RGS8: variants seen among roughly 807,000 people sequenced by gnomAD.
RGS8 encodes regulator of G-protein signaling 8.
In RGS8, 8 loss-of-function variants were observed where a neutral mutation model predicts 21.7. The observed-to-expected ratio is 0.37, with a 90% CI of 0.22 to 0.66. RGS8 has a LOEUF of 0.66. Ranked by LOEUF, RGS8 falls within the 30% of genes least tolerant of loss-of-function variation. The pLI is 0.59. For synonymous variants in RGS8, 80 were observed against 83.6 expected, an observed-to-expected ratio of 0.96 and a Z score of 0.24; for missense variants, 157 against 217.9, an observed-to-expected ratio of 0.72 and a Z score of 1.76.
chr1:182,722,972 G>A, the RGS8 span, among the ~76,000 whole-genome samples: 2 of 150,286 alleles, frequency 1.3e-5, no homozygotes, highest in Non-Finnish European at 1.5e-5. Context: ...AGTGAGACTC[G>A]GTCTCAAAAA....
At chr1:182,751,978 C>A in the RGS8 span, among the ~76,000 whole-genome samples, 86 of 152,244 alleles carry the variant, frequency 5.6e-4, no homozygotes, top group African/African-American at 1.9e-3. Context: ...TCACAGGCGC[C>A]GCGGTTCCTA....
the RGS8 span, among the ~76,000 whole-genome samples, chr1:182,742,486 C>G: frequency 6.6e-6 from 1 of 152,218 alleles, no homozygotes; most frequent in African/African-American, 2.4e-5. Context: ...TCTGCAATCT[C>G]GGCACCTCGG....
the RGS8 span, among the ~76,000 whole-genome samples, chr1:182,716,038 C>T: frequency 6.6e-6 from 1 of 152,118 alleles, no homozygotes; most frequent in Non-Finnish European, 1.5e-5. Flanking sequence ...TACACACATC[C>T]TCCCCTGTAC....
At chr1:182,655,351 TG>T (rs1663223713) in intron 5 of RGS8, among the ~76,000 whole-genome samples, 1 of 151,878 alleles carries the variant, frequency 6.6e-6, no homozygotes, top group Non-Finnish European at 1.5e-5. Flanking sequence ...CATTTCCAGG[TG>T]GGGTGGAGAG....
upstream of RGS8, among the ~76,000 whole-genome samples, chr1:182,677,108 A>C (rs1664390046): frequency 6.6e-6 from 1 of 152,202 alleles, no homozygotes; most frequent in East Asian, 1.9e-4. Context: ...GATTAGACTG[A>C]CTGGAAAAGA....
upstream of RGS8, among the ~76,000 whole-genome samples, chr1:182,673,227 G>A (rs1390542115): frequency 6.6e-6 from 1 of 152,194 alleles, no homozygotes; most frequent in Admixed American, 6.5e-5. Flanking sequence ...TAATGGAAAT[G>A]AATTCGATTT....
chr1:182,735,940 C>G, the RGS8 span, among the ~76,000 whole-genome samples: 1 of 152,180 alleles, frequency 6.6e-6, no homozygotes, highest in East Asian at 1.9e-4. Flanking sequence ...AGAGTGCCTT[C>G]CTTTGGGTTA....
the RGS8 span, among the ~76,000 whole-genome samples, chr1:182,747,598 A>G: frequency 6.6e-6 from 1 of 152,214 alleles, no homozygotes; most frequent in Non-Finnish European, 1.5e-5. Flanking sequence ...AACTGTGGCC[A>G]CTACTTAATT....
At chr1:182,671,831 C>T in intron 1 of RGS8, 101 bp from the exon 3 acceptor site, 11 of 1,585,388 alleles carry the variant, frequency 6.9e-6, no homozygotes, top group Non-Finnish European at 9.4e-6. Flanking sequence ...TATACACACA[C>T]AGGCATGCAC....
the RGS8 span, among the ~76,000 whole-genome samples, chr1:182,742,072 G>A: frequency 6.7e-6 from 1 of 149,014 alleles, no homozygotes; most frequent in Non-Finnish European, 1.5e-5. Flanking sequence ...CGGGGCGGCA[G>A]GGCAGAGGTG....
the RGS8 span, among the ~76,000 whole-genome samples, chr1:182,741,564 T>G: frequency 5.5e-5 from 5 of 91,624 alleles, no homozygotes; most frequent in Non-Finnish European, 1.1e-4. Context: ...CACTTCCCAG[T>G]AGGGGCGGCC....
At chr1:182,693,028 G>A in the RGS8 span, among the ~76,000 whole-genome samples, 1 of 152,150 alleles carries the variant, frequency 6.6e-6, no homozygotes, top group African/African-American at 2.4e-5. Flanking sequence ...AACCACCCTT[G>A]GAGAAAATCT....
the RGS8 span, among the ~76,000 whole-genome samples, chr1:182,741,695 G>A: frequency 8.1e-5 from 9 of 111,764 alleles, no homozygotes; most frequent in Admixed American, 1.6e-4. Flanking sequence ...TCCCAGTAGG[G>A]GCGGCCGGGC....
chr1:182,654,255 G>C (rs776862355), intron 5 of RGS8, among the ~76,000 whole-genome samples: 1 of 152,156 alleles, frequency 6.6e-6, no homozygotes, highest in Non-Finnish European at 1.5e-5. Flanking sequence ...AAAGGGTATT[G>C]AAAATGGGAG....
chr1:182,653,235 T>C (rs1369978812), intron 5 of RGS8, among the ~76,000 whole-genome samples: 4 of 152,202 alleles, frequency 2.6e-5, no homozygotes, highest in African/African-American at 9.7e-5. Flanking sequence ...GATGGGGTTC[T>C]AGGTGTCCCA....
At chr1:182,694,104 A>T in the RGS8 span, among the ~76,000 whole-genome samples, 1 of 152,002 alleles carries the variant, frequency 6.6e-6, no homozygotes, top group South Asian at 2.1e-4. Context: ...AAACCTTCGC[A>T]TGTACCCCTG....
At chr1:182,648,025 G>GCT in intron 6 of RGS8, 112 bp downstream of exon 7, 1 of 925,918 alleles carries the variant, frequency 1.1e-6, no homozygotes. Context: ...GAGTGATGAG[G>GCT]CTCAGTTTAG....
At chr1:182,666,245 C>T (rs1663852280) in intron 4 of RGS8, among the ~76,000 whole-genome samples, 1 of 152,048 alleles carries the variant, frequency 6.6e-6, no homozygotes, top group Non-Finnish European at 1.5e-5. Context: ...GACTGAAATT[C>T]AGTGAATTTT....
chr1:182,651,123 CA>C (rs1187818692), intron 5 of RGS8, among the ~76,000 whole-genome samples: 3 of 152,136 alleles, frequency 2.0e-5, no homozygotes, highest in African/African-American at 7.2e-5. Context: ...AACTGAAAAT[CA>C]AAATGAAACA....
Sources: allele counts gnomAD v4.1 joint callset (sites outside exome capture counted in the v4.1 genomes callset), GRCh38; gene constraint gnomAD v4.1.1; transcripts MANE v1.5; gene names NCBI Gene and HGNC (gene_info 2026-07-23, HGNC 2026-07-21).